Variants in GALNT16 observed in about 807,000 individuals in gnomAD.
The protein encoded by GALNT16 is UDP-GalNAc:polypeptide N-acetylgalactosaminyltransferase-like protein 1.
In GALNT16, 40 loss-of-function variants were observed where a neutral mutation model predicts 76.1. The ratio of observed to expected loss-of-function variants is 0.53; its 90% CI spans 0.41 to 0.68. The LOEUF is 0.68. Ranked by LOEUF, GALNT16 falls within the 30% of genes least tolerant of loss-of-function variation. The pLI, the probability that GALNT16 is intolerant of heterozygous loss-of-function variation, is 0.00. For synonymous variants in GALNT16, 276 were observed against 285.2 expected (o/e 0.97, Z 0.32); for missense variants, 621 against 731.9 (o/e 0.85, Z 1.75).
chr14:69,284,660 G>C (rs2044586250), intron 1 of GALNT16, among the ~76,000 whole-genome samples: 1 of 152,162 alleles, frequency 6.6e-6, no homozygotes, highest in African/African-American at 2.4e-5. Context: ...GTGAACATGG[G>C]CAAAGTATAC....
intron 5 of GALNT16, among the ~76,000 whole-genome samples, chr14:69,327,579 T>C (rs1199100632): frequency 2.0e-5 from 3 of 152,182 alleles, no homozygotes; most frequent in African/African-American, 4.8e-5. Flanking sequence ...GGAGTGGAGA[T>C]TGATGGGCTT....
chr14:69,369,611 T>C, the GALNT16 span, among the ~76,000 whole-genome samples: 1 of 152,330 alleles, frequency 6.6e-6, no homozygotes, highest in East Asian at 1.9e-4. Flanking sequence ...TCCATGTTGT[T>C]GGCCTCCCCA....
chr14:69,316,002 T>C (rs1224003274), intron 1 of GALNT16, among the ~76,000 whole-genome samples: 1 of 152,212 alleles, frequency 6.6e-6, no homozygotes, highest in African/African-American at 2.4e-5. Flanking sequence ...AGATTCTGAT[T>C]GGCCCAGATC....
intron 11 of GALNT16, 43 bp downstream of exon 11, chr14:69,339,662 T>G: frequency 8.2e-7 from 1 of 1,217,782 alleles, no homozygotes; most frequent in Non-Finnish European, 1.2e-6. Flanking sequence ...TCTACCCACA[T>G]TAGCACAACC....
chr14:69,310,200 G>A (rs1405788102), intron 1 of GALNT16, among the ~76,000 whole-genome samples: 1 of 151,842 alleles, frequency 6.6e-6, no homozygotes, highest in African/African-American at 2.4e-5. Flanking sequence ...CTACTATATA[G>A]GATATAGATC....
intron 1 of GALNT16, among the ~76,000 whole-genome samples, chr14:69,306,378 C>T (rs949540548): frequency 1.1e-4 from 16 of 152,088 alleles, no homozygotes; most frequent in African/African-American, 3.9e-4. Context: ...ATCACATGTA[C>T]ACTTTTTTTT....
chr14:69,369,784 A>G, the GALNT16 span, among the ~76,000 whole-genome samples: 16 of 152,332 alleles, frequency 1.1e-4, no homozygotes, highest in Non-Finnish European at 2.1e-4. Context: ...GTCAACTGTC[A>G]GCTTAATGAG....
chr14:69,271,456 G>A (rs976047505), intron 1 of GALNT16, among the ~76,000 whole-genome samples: 11 of 152,186 alleles, frequency 7.2e-5, no homozygotes, highest in Admixed American at 2.6e-4. Flanking sequence ...CAGAGGAGCC[G>A]GCCCCTGGGA....
At chr14:69,305,159 C>T (rs1328405408) in intron 1 of GALNT16, among the ~76,000 whole-genome samples, 15 of 150,296 alleles carry the variant, frequency 1.0e-4, no homozygotes, top group East Asian at 2.0e-4. Context: ...AATAACCATC[C>T]GACAAGTATC....
the GALNT16 span, among the ~76,000 whole-genome samples, chr14:69,382,898 T>C: frequency 6.6e-6 from 1 of 152,118 alleles, no homozygotes; most frequent in African/African-American, 2.4e-5. Flanking sequence ...AATACTTTAA[T>C]AAAATGCCTA....
the GALNT16 span, among the ~76,000 whole-genome samples, chr14:69,370,054 C>A: frequency 6.6e-6 from 1 of 152,296 alleles, no homozygotes; most frequent in African/African-American, 2.4e-5. Flanking sequence ...CAGTCAGAAG[C>A]AGTCTAGGGA....
Position 69,260,427 on chromosome 14 carries a change from G to T in GALNT16, c.137G>T (p.Arg46Met). ...GGRGAQRAGR[R>M]SEQLREDRTI... The stretch of plus-strand genomic sequence containing the variant: ...CGGGGCGCGCAGAGGGCAGGCAGGA[G>T]GTCGGAGCAGCTCCGCGAGGACCGC... The change falls in exon 1 of 15, where the codon AGG becomes ATG. Residue 46 changes from arginine (R) to methionine (M), a missense_variant. Coordinates refer to ENST00000448469, the MANE Select transcript of GALNT16 (RefSeq NM_001168368.2). 1 of 1,589,366 alleles carries T rather than the reference G, an allele frequency of 6.3e-7. No individual in the cohort carries two copies.
At chr14:69,372,349 C>CA in the GALNT16 span, among the ~76,000 whole-genome samples, 1 of 152,088 alleles carries the variant, frequency 6.6e-6, no homozygotes, top group African/African-American at 2.4e-5. Context: ...GGTCTGTTGA[C>CA]ATAGAATCTT....
intron 2 of GALNT16, among the ~76,000 whole-genome samples, chr14:69,323,826 A>G (rs1482172066): frequency 1.3e-5 from 2 of 152,200 alleles, no homozygotes; most frequent in Admixed American, 6.5e-5. Context: ...TGTCAGTAGA[A>G]TGAATGCCAC....
chr14:69,369,133 T>C, the GALNT16 span, among the ~76,000 whole-genome samples: 152 of 152,222 alleles, frequency 1.0e-3, 1 homozygote, highest in African/African-American at 3.5e-3. Flanking sequence ...GAAGATCAAT[T>C]AGGAAACTAT....
downstream of GALNT16, among the ~76,000 whole-genome samples, chr14:69,360,239 G>C (rs191568449): frequency 1.8e-4 from 28 of 152,068 alleles, no homozygotes; most frequent in African/African-American, 3.6e-4. Flanking sequence ...TGTAGTCCCA[G>C]CTACTCAGAA....
chr14:69,301,582 G>A (rs891793932), intron 1 of GALNT16, among the ~76,000 whole-genome samples: 2 of 152,062 alleles, frequency 1.3e-5, no homozygotes, highest in African/African-American at 2.4e-5. Context: ...TCAGAGACTC[G>A]CCTGCCTCAG....
At chr14:69,271,358 C>T (rs2044405484) in intron 1 of GALNT16, among the ~76,000 whole-genome samples, 1 of 152,198 alleles carries the variant, frequency 6.6e-6, no homozygotes, top group Non-Finnish European at 1.5e-5. Flanking sequence ...TGGGGCAAAG[C>T]TGAGGGCAGG....
At chr14:69,288,294 C>T (rs1390743403) in intron 1 of GALNT16, among the ~76,000 whole-genome samples, 3 of 152,212 alleles carry the variant, frequency 2.0e-5, no homozygotes, top group Non-Finnish European at 4.4e-5. Flanking sequence ...GGACTCTTCC[C>T]ACTACCCCCT....
Sources: gnomAD v4.1 joint callset for allele counts (sites outside exome capture counted in the v4.1 genomes callset) on GRCh38, gnomAD v4.1.1 for gene constraint, MANE v1.5 for transcripts, NCBI Gene and HGNC (gene_info 2026-07-23, HGNC 2026-07-21) for gene names.